Variants in CCSER1 observed in about 807,000 individuals in gnomAD.
The protein encoded by CCSER1 is serine-rich coiled-coil domain-containing protein 1.
Under a neutral mutation model 82.0 loss-of-function variants are expected in CCSER1, and 41 were observed. The ratio of observed to expected loss-of-function variants is 0.50; its 90% CI spans 0.39 to 0.65. CCSER1 has a LOEUF of 0.65. Ranked by LOEUF, CCSER1 falls within the 30% of genes least tolerant of loss-of-function variation. The probability of loss-of-function intolerance (pLI) is 0.00; values close to 1 mark genes in which losing one functional copy is unlikely to be tolerated. For synonymous variants in CCSER1, 414 were observed against 383.9 expected (o/e 1.08, Z -0.92); for missense variants, 1,119 against 1,064.2 (o/e 1.05, Z -0.72).
At chr4:91,435,040 C>T (rs891575641) in intron 10 of CCSER1, among the ~76,000 whole-genome samples, 1 of 152,146 alleles carries the variant, frequency 6.6e-6, no homozygotes, top group African/African-American at 2.4e-5. Flanking sequence ...AATTTACCTG[C>T]TGGCATGTAC....
chr4:91,312,200 G>T (rs1183142147), intron 10 of CCSER1, among the ~76,000 whole-genome samples: 1 of 151,554 alleles, frequency 6.6e-6, no homozygotes, highest in Non-Finnish European at 1.5e-5. Context: ...TAATCATTTA[G>T]TATTACTAAA....
intron 10 of CCSER1, among the ~76,000 whole-genome samples, chr4:91,388,959 G>A (rs1008962332): frequency 1.3e-5 from 2 of 151,958 alleles, no homozygotes; most frequent in Non-Finnish European, 2.9e-5. Flanking sequence ...TAAATTTTAA[G>A]TATTATTTAT....
At chr4:90,506,312 A>G (rs1386865808) in intron 5 of CCSER1, among the ~76,000 whole-genome samples, 1 of 152,174 alleles carries the variant, frequency 6.6e-6, no homozygotes. Flanking sequence ...ATATTTTTTC[A>G]TGTCATGAGC....
chr4:90,635,678 T>A (rs149370065), intron 6 of CCSER1, among the ~76,000 whole-genome samples: 2,791 of 151,900 alleles, frequency 0.018, 98 homozygotes, highest in African/African-American at 0.064. Flanking sequence ...AAAAAAACAG[T>A]TGAATAGAAA....
At chr4:91,457,400 C>A (rs1382414778) in intron 10 of CCSER1, among the ~76,000 whole-genome samples, 1 of 152,040 alleles carries the variant, frequency 6.6e-6, no homozygotes, top group East Asian at 1.9e-4. Flanking sequence ...GGTTTGGTGG[C>A]TCATGCCTGT....
At chr4:90,221,868 G>C (rs1273604667) in intron 1 of CCSER1, among the ~76,000 whole-genome samples, 1 of 152,100 alleles carries the variant, frequency 6.6e-6, no homozygotes, top group Admixed American at 6.6e-5. Context: ...TATCAAGTGG[G>C]ACTGATCCTG....
chr4:90,543,757 A>G (rs1394416947), intron 5 of CCSER1, among the ~76,000 whole-genome samples: 1 of 152,194 alleles, frequency 6.6e-6, no homozygotes, highest in South Asian at 2.1e-4. Flanking sequence ...AGACAGTATC[A>G]TATGTAACTT....
chr4:90,768,846 G>T (rs1751653195), intron 7 of CCSER1, among the ~76,000 whole-genome samples: 1 of 152,180 alleles, frequency 6.6e-6, no homozygotes. Flanking sequence ...TACATCTATA[G>T]AGTGGGGAGA....
chr4:90,973,619 G>T (rs1434572298), intron 9 of CCSER1, among the ~76,000 whole-genome samples: 3 of 151,628 alleles, frequency 2.0e-5, no homozygotes, highest in Non-Finnish European at 4.4e-5. Flanking sequence ...CCAAAAGTTA[G>T]ACTAGAACTA....
At chr4:91,297,839 A>G (rs1744335203) in intron 10 of CCSER1, among the ~76,000 whole-genome samples, 1 of 152,042 alleles carries the variant, frequency 6.6e-6, no homozygotes, top group Non-Finnish European at 1.5e-5. Flanking sequence ...ACTTGAGGAA[A>G]AGTGGTAAAA....
chr4:91,160,363 C>T (rs1009852435), intron 10 of CCSER1, among the ~76,000 whole-genome samples: 1 of 152,114 alleles, frequency 6.6e-6, no homozygotes, highest in Non-Finnish European at 1.5e-5. Flanking sequence ...CATACTTGTA[C>T]ATGTGTCTTT....
intron 6 of CCSER1, among the ~76,000 whole-genome samples, chr4:90,703,811 T>G (rs1738698306): frequency 6.6e-6 from 1 of 152,162 alleles, no homozygotes; most frequent in Non-Finnish European, 1.5e-5. Context: ...CTTTTTTTTG[T>G]TTTCCATTTG....
chr4:91,166,351 T>C (rs985643023), intron 10 of CCSER1, among the ~76,000 whole-genome samples: 1 of 152,196 alleles, frequency 6.6e-6, no homozygotes. Flanking sequence ...CTGTACTATA[T>C]ACTGGTGATT....
intron 7 of CCSER1, among the ~76,000 whole-genome samples, chr4:90,733,806 G>A (rs1415696378): frequency 1.3e-5 from 2 of 152,004 alleles, no homozygotes; most frequent in African/African-American, 2.4e-5. Flanking sequence ...GCATGTCTAG[G>A]CACTTTTGTC....
At chr4:91,485,276 C>T (rs766350039) in intron 10 of CCSER1, among the ~76,000 whole-genome samples, 2 of 152,012 alleles carry the variant, frequency 1.3e-5, no homozygotes, top group South Asian at 2.1e-4. Context: ...GAGGACAAAG[C>T]GATGATTTGG....
At chr4:90,130,200 A>C (rs1722576653) in intron 1 of CCSER1, among the ~76,000 whole-genome samples, 1 of 152,234 alleles carries the variant, frequency 6.6e-6, no homozygotes, top group African/African-American at 2.4e-5. Flanking sequence ...ACTACTGTCT[A>C]GGCATTGGGG....
intron 7 of CCSER1, among the ~76,000 whole-genome samples, chr4:90,743,083 A>G (rs1169008825): frequency 6.6e-6 from 1 of 152,208 alleles, no homozygotes; most frequent in African/African-American, 2.4e-5. Context: ...TTGGATAATA[A>G]TTAGGAGTAA....
chr4:90,331,095 A>G (rs1739193839), intron 3 of CCSER1, among the ~76,000 whole-genome samples: 1 of 152,076 alleles, frequency 6.6e-6, no homozygotes, highest in South Asian at 2.1e-4. Context: ...TTAAAAAATA[A>G]GAATACTTTT....
At chr4:90,241,476 A>G (rs1040709893) in intron 1 of CCSER1, among the ~76,000 whole-genome samples, 7 of 152,164 alleles carry the variant, frequency 4.6e-5, no homozygotes, top group African/African-American at 1.7e-4. Context: ...ATTTATGTCT[A>G]TTGTTGCTTT....
Sources: allele counts gnomAD v4.1 joint callset (sites outside exome capture counted in the v4.1 genomes callset), GRCh38; gene constraint gnomAD v4.1.1; transcripts MANE v1.5; gene names NCBI Gene and HGNC (gene_info 2026-07-23, HGNC 2026-07-21).